The following PAPOLA variants were observed in gnomAD, a reference collection of about 807,000 sequenced individuals.
PAPOLA encodes the protein polynucleotide adenylyltransferase alpha.
PAPOLA carries 15 observed loss-of-function variants against 100.6 expected under a neutral mutation model. The observed-to-expected ratio is 0.15, with a 90% CI of 0.10 to 0.23. The LOEUF is 0.23. Among genes scored for constraint, PAPOLA ranks in the 10% least tolerant of loss-of-function variants. The probability of loss-of-function intolerance (pLI) is 1.00; values close to 1 mark genes in which losing one functional copy is unlikely to be tolerated. For missense variants in PAPOLA, 533 were observed against 884.2 expected (o/e 0.60, Z 5.04); for synonymous variants, 293 against 300.0 (o/e 0.98, Z 0.24).
chr14:96,553,900 A>G (rs1369094535), intron 17 of PAPOLA, among the ~76,000 whole-genome samples: 1 of 152,116 alleles, frequency 6.6e-6, no homozygotes, highest in Non-Finnish European at 1.5e-5. Context: ...GGTGTTGTGG[A>G]TGTGTTTTTT....
At chr14:96,525,529 A>G in intron 4 of PAPOLA, 138 bp downstream of exon 4, 1 of 504,582 alleles carries the variant, frequency 2.0e-6, no homozygotes. Context: ...TAAATTTTTC[A>G]GTAAGAAAGA....
At chr14:96,514,462 T>C (rs1261662261) in intron 1 of PAPOLA, among the ~76,000 whole-genome samples, 1 of 151,972 alleles carries the variant, frequency 6.6e-6, no homozygotes, top group Admixed American at 6.6e-5. Flanking sequence ...ATTGCAGGCG[T>C]GTGCCACCAC....
chr14:96,565,115 AAG>A lies in PAPOLA; in HGVS notation c.*66_*67del. On this transcript the variant is annotated 3_prime_UTR_variant, in exon 22 of 22. Coordinates refer to ENST00000216277, the MANE Select transcript of PAPOLA (RefSeq NM_032632.5). ...AACCTGTTGTCTTCAAATGCTAAAA[AAG>A]GAGAATGGAGGGTACAAGACTAGAC... is the stretch of plus-strand genomic sequence containing the variant. The A allele has an allele frequency of 1.1e-6, 1 of 898,670 alleles. No individual in the cohort carries two copies. The highest frequency in any genetic ancestry group is 2.4e-4 in the Middle Eastern group (1 of 4,142). The allele number at this position is 898,670 out of a possible 1,614,324, so 55.7% of individuals were successfully genotyped here.
intron 1 of PAPOLA, among the ~76,000 whole-genome samples, chr14:96,506,196 G>A (rs1423276891): frequency 6.6e-6 from 1 of 152,072 alleles, no homozygotes; most frequent in Non-Finnish European, 1.5e-5. Context: ...GAGCCACGGC[G>A]CCCGGCTGTC....
intron 17 of PAPOLA, chr14:96,553,305 G>T (rs1206308663): frequency 1.3e-5 from 2 of 152,784 alleles, no homozygotes; most frequent in African/African-American, 4.8e-5. Context: ...TTGAGGCCAG[G>T]AGTTCAAGAC....
At chr14:96,559,581 C>CTCTATATA (rs370979875) in intron 19 of PAPOLA, among the ~76,000 whole-genome samples, 2,672 of 120,052 alleles carry the variant, frequency 0.022, 54 homozygotes, top group African/African-American at 0.044. Flanking sequence ...CTCTCTCTCT[C>CTCTATATA]TATATATATA....
intron 3 of PAPOLA, among the ~76,000 whole-genome samples, chr14:96,524,530 TTC>T: frequency 6.6e-6 from 1 of 150,660 alleles, no homozygotes; most frequent in African/African-American, 2.4e-5. Flanking sequence ...CCCCTTCCCC[TTC>T]TCTTTTTTTG....
intron 16 of PAPOLA, among the ~76,000 whole-genome samples, chr14:96,550,511 G>A (rs1566861982): frequency 6.6e-6 from 1 of 152,172 alleles, no homozygotes; most frequent in Non-Finnish European, 1.5e-5. Flanking sequence ...TCTATCAGAT[G>A]AAGTAACTAT....
chr14:96,561,755 G>A (rs1442957210), intron 20 of PAPOLA, among the ~76,000 whole-genome samples: 1 of 151,530 alleles, frequency 6.6e-6, no homozygotes, highest in Non-Finnish European at 1.5e-5. Context: ...CTCCAGGAAG[G>A]CTGCATGTCT....
intron 9 of PAPOLA, chr14:96,533,257 A>G (rs1337872816): frequency 3.0e-6 from 3 of 984,402 alleles, no homozygotes; most frequent in Non-Finnish European, 2.4e-6. Context: ...GCCATTTTAT[A>G]TTAATTGCCT....
intron 1 of PAPOLA, among the ~76,000 whole-genome samples, chr14:96,511,068 G>C (rs1268839386): frequency 6.6e-6 from 1 of 152,184 alleles, no homozygotes; most frequent in Non-Finnish European, 1.5e-5. Flanking sequence ...TAGTTTATCT[G>C]ATTGGTTTCA....
At chr14:96,535,622 G>T (rs1287667257) in intron 10 of PAPOLA, 11 of 1,083,662 alleles carry the variant, frequency 1.0e-5, no homozygotes, top group African/African-American at 8.2e-5. Flanking sequence ...GAACTTTTTT[G>T]TTGTTGTTCA....
intron 12 of PAPOLA, among the ~76,000 whole-genome samples, chr14:96,538,908 T>G (rs536793584): frequency 7.2e-5 from 11 of 152,202 alleles, no homozygotes; most frequent in Admixed American, 6.5e-4. Flanking sequence ...TTGATATGTG[T>G]AGGATTTTAA....
intron 1 of PAPOLA, among the ~76,000 whole-genome samples, chr14:96,512,062 G>A (rs1015376971): frequency 6.6e-6 from 1 of 152,192 alleles, no homozygotes; most frequent in East Asian, 1.9e-4. Context: ...GGTTATTTTA[G>A]CCTCCTTGCT....
intron 17 of PAPOLA, 33 bp downstream of exon 17, chr14:96,552,655 GC>G: frequency 6.3e-7 from 1 of 1,582,962 alleles, no homozygotes; most frequent in South Asian, 1.1e-5. Flanking sequence ...AAGTGGAGGG[GC>G]TGTTTGCTAA....
At chr14:96,518,424 T>TC (rs1897650997) in intron 1 of PAPOLA, among the ~76,000 whole-genome samples, 1 of 151,912 alleles carries the variant, frequency 6.6e-6, no homozygotes, top group South Asian at 2.1e-4. Context: ...CTTTTTTTTT[T>TC]TTGAGACGGA....
Position 96,542,875 on chromosome 14 carries a change from C to G in PAPOLA, c.1271C>G (p.Pro424Arg), listed in dbSNP as rs201258211. ...GTGAATCCCCAGTCATTTCCAGCAC[C>G]CAAAGAAAATCCCGACAAGTAAGCC... is the stretch of plus-strand genomic sequence containing the variant. ...AHVNPQSFPA[P>R]KENPDKEEFR... Residue 424 changes from proline (P) to arginine (R), a missense_variant, in exon 14 of 22, where the codon CCC becomes CGC. By Grantham distance (103) the Pro-to-Arg change is moderately radical. Coordinates refer to ENST00000216277, the MANE Select transcript of PAPOLA (RefSeq NM_032632.5). 6.2e-7 allele frequency: 1 copy of G among 1,611,834 alleles called. No homozygotes were observed. The highest frequency in any genetic ancestry group is 8.5e-7 in the Non-Finnish European group (1 of 1,179,406).
intron 3 of PAPOLA, 116 bp downstream of exon 3, chr14:96,521,188 A>G (rs760497618): frequency 3.1e-5 from 20 of 654,898 alleles, no homozygotes; most frequent in Middle Eastern, 4.4e-4. Flanking sequence ...TGTGGAGTCA[A>G]TTTTAGACTA....
At chr14:96,503,115 A>G (rs1373324318) in intron 1 of PAPOLA, among the ~76,000 whole-genome samples, 2 of 152,078 alleles carry the variant, frequency 1.3e-5, no homozygotes, top group African/African-American at 4.8e-5. Context: ...TGTGCGCCGG[A>G]GTTAGCCCCT....
Sources: gnomAD v4.1 joint callset for allele counts (sites outside exome capture counted in the v4.1 genomes callset) on GRCh38, gnomAD v4.1.1 for gene constraint, MANE v1.5 for transcripts, NCBI Gene and HGNC (gene_info 2026-07-23, HGNC 2026-07-21) for gene names.